The following KSR2 variants were observed in gnomAD, a reference collection of about 807,000 sequenced individuals.
The protein encoded by KSR2 is kinase suppressor of ras 2.
Under a neutral mutation model 107.8 loss-of-function variants are expected in KSR2, and 25 were observed. The ratio of observed to expected loss-of-function variants is 0.23; its 90% CI spans 0.17 to 0.32. The LOEUF is 0.32. KSR2 is among the 10% of genes least tolerant of loss of function. KSR2 has a pLI of 1.00. For synonymous variants in KSR2, 480 were observed against 507.0 expected (o/e 0.95, Z 0.71); for missense variants, 887 against 1,268.9 (o/e 0.70, Z 4.57).
intron 3 of KSR2, among the ~76,000 whole-genome samples, chr12:117,823,432 G>A (rs1453707312): frequency 6.6e-6 from 1 of 152,194 alleles, no homozygotes; most frequent in East Asian, 1.9e-4. Flanking sequence ...TGAGTTGAGT[G>A]CATATAGCAT....
intron 3 of KSR2, among the ~76,000 whole-genome samples, chr12:117,779,996 C>T (rs1446420): frequency 0.57 from 87,128 of 151,982 alleles, 26,654 homozygotes; most frequent in African/African-American, 0.78. Flanking sequence ...GATGCACAGT[C>T]TCTCCATCCA....
At chr12:117,899,914 G>A (rs1300264197) in intron 1 of KSR2, among the ~76,000 whole-genome samples, 6 of 152,194 alleles carry the variant, frequency 3.9e-5, no homozygotes, top group Admixed American at 1.3e-4. Flanking sequence ...TATCTCCACC[G>A]AACAGTGGTA....
intron 7 of KSR2, among the ~76,000 whole-genome samples, chr12:117,569,136 G>A (rs1454579683): frequency 6.6e-6 from 1 of 152,160 alleles, no homozygotes; most frequent in Admixed American, 6.5e-5. Flanking sequence ...ACCTGTGGCT[G>A]CAGCGATTTT....
In KSR2 at chr12:117,539,884, G is replaced by T. The variant is rs919707045; in HGVS notation, c.1522C>A (p.His508Asn). The T allele has an allele frequency of 5.0e-6, 8 of 1,602,528 alleles. No homozygotes were observed. The Admixed American group carries it at 8.7e-5, about 17-fold the overall frequency. The change falls in exon 10 of 20, where the codon CAC becomes AAC. Residue 508 changes from histidine to asparagine, a missense_variant. Transcript: ENST00000339824. The part of the protein sequence containing the change: ...LPKTNKINKD[H>N]IPVPYQPDSS... ...TCTGGCTGGTAAGGGACAGGGATGTGGTCCTGCAGAGAGAAAACAGGGTAG... is the reference window on the plus strand; with the variant it reads ...TCTGGCTGGTAAGGGACAGGGATGTTGTCCTGCAGAGAGAAAACAGGGTAG...
intron 1 of KSR2, among the ~76,000 whole-genome samples, chr12:117,898,030 G>GT (rs1442294537): frequency 6.6e-6 from 1 of 152,048 alleles, no homozygotes; most frequent in Non-Finnish European, 1.5e-5. Context: ...AATTTCAACA[G>GT]TAAGAAACAC....
At chr12:117,619,370 C>T (rs1882050508) in intron 5 of KSR2, among the ~76,000 whole-genome samples, 2 of 151,962 alleles carry the variant, frequency 1.3e-5, no homozygotes, top group South Asian at 4.2e-4. Flanking sequence ...TCTCCCTCCA[C>T]CCCACAACAG....
intron 4 of KSR2, among the ~76,000 whole-genome samples, chr12:117,697,475 G>A (rs574320048): frequency 5.6e-4 from 86 of 152,266 alleles, no homozygotes; most frequent in African/African-American, 1.8e-3. Context: ...AGGCGCTGTG[G>A]CCCATGCCTG....
At chr12:117,641,525 T>A (rs921478719) in intron 5 of KSR2, among the ~76,000 whole-genome samples, 10 of 152,162 alleles carry the variant, frequency 6.6e-5, no homozygotes, top group African/African-American at 2.4e-4. Context: ...ACATGACCTT[T>A]CTCCCTGTGC....
chr12:117,793,230 GCACACACACCAACC>G (rs1890345949), intron 3 of KSR2, among the ~76,000 whole-genome samples: 1 of 125,126 alleles, frequency 8.0e-6, no homozygotes, highest in African/African-American at 3.3e-5. Context: ...ACACCAACAT[GCACACACACCAACC>G]TGCACACACC....
At chr12:117,872,925 G>T (rs1350221731) in intron 1 of KSR2, among the ~76,000 whole-genome samples, 2 of 152,300 alleles carry the variant, frequency 1.3e-5, no homozygotes, top group South Asian at 2.1e-4. Flanking sequence ...GCCTGAAGGG[G>T]CTCCCAGTGG....
chr12:117,870,950 C>G (rs768288292), intron 1 of KSR2, among the ~76,000 whole-genome samples: 1 of 152,158 alleles, frequency 6.6e-6, no homozygotes, highest in Non-Finnish European at 1.5e-5. Context: ...GAGTGTGAAG[C>G]TGTGTTGGGC....
chr12:117,550,760 C>G (rs572490005), intron 9 of KSR2, among the ~76,000 whole-genome samples: 3 of 152,282 alleles, frequency 2.0e-5, no homozygotes, highest in Admixed American at 6.5e-5. Context: ...AACCAGCCAA[C>G]AGTAACAACA....
chr12:117,473,482 G>A (rs1871601127), intron 17 of KSR2, among the ~76,000 whole-genome samples: 1 of 152,114 alleles, frequency 6.6e-6, no homozygotes, highest in South Asian at 2.1e-4. Context: ...TGGCCAACGT[G>A]CTATCCTAGG....
chr12:117,818,765 G>C (rs186229623), intron 3 of KSR2, among the ~76,000 whole-genome samples: 3 of 152,292 alleles, frequency 2.0e-5, no homozygotes, highest in African/African-American at 7.2e-5. Flanking sequence ...TGGAGACAGG[G>C]ATCTTAGTGT....
intron 12 of KSR2, among the ~76,000 whole-genome samples, chr12:117,527,950 AGT>A (rs10664320): frequency 0.14 from 19,445 of 142,356 alleles, 1,345 homozygotes; most frequent in Non-Finnish European, 0.16. Context: ...GGAAGACACA[AGT>A]GTGTGTGTGT....
chr12:117,963,694 CGTT>C (rs1566102632), intron 1 of KSR2, among the ~76,000 whole-genome samples: 2 of 152,134 alleles, frequency 1.3e-5, no homozygotes, highest in African/African-American at 4.8e-5. Context: ...AGGGATGAAA[CGTT>C]GTTGGTCTGA....
intron 4 of KSR2, among the ~76,000 whole-genome samples, chr12:117,721,230 C>T (rs371724308): frequency 1.1e-4 from 16 of 152,214 alleles, no homozygotes; most frequent in Middle Eastern, 3.4e-3. Context: ...GTCGGAGAAG[C>T]ATGGATACCA....
intron 5 of KSR2, among the ~76,000 whole-genome samples, chr12:117,623,233 T>G (rs1024569867): frequency 2.6e-5 from 4 of 152,148 alleles, no homozygotes; most frequent in Non-Finnish European, 5.9e-5. Flanking sequence ...TGCCTTTGGG[T>G]TTTTTTTAAT....
At chr12:117,718,150 T>G (rs963005473) in intron 4 of KSR2, among the ~76,000 whole-genome samples, 1 of 152,254 alleles carries the variant, frequency 6.6e-6, no homozygotes, top group Admixed American at 6.5e-5. Flanking sequence ...AAATTACTTT[T>G]ATGACTTTCA....
Sources: allele counts gnomAD v4.1 joint callset (sites outside exome capture counted in the v4.1 genomes callset), GRCh38; gene constraint gnomAD v4.1.1; transcripts MANE v1.5; gene names NCBI Gene and HGNC (gene_info 2026-07-23, HGNC 2026-07-21).